SRC: variants seen among roughly 807,000 people sequenced by gnomAD.
SRC encodes the protein SRC proto-oncogene, non-receptor tyrosine kinase, also known as proto-oncogene tyrosine-protein kinase Src.
In SRC, 13 loss-of-function variants were observed where a neutral mutation model predicts 62.9. That is an observed-to-expected ratio of 0.21 (90% CI 0.13 to 0.33). The LOEUF (loss-of-function observed/expected upper bound fraction) is 0.33, where lower values mean the gene tolerates loss of function less well. Among genes scored for constraint, SRC ranks in the 10% least tolerant of loss-of-function variants. The pLI is 1.00. For missense variants in SRC, 457 were observed against 737.3 expected (o/e 0.62, Z 4.40); for synonymous variants, 302 against 317.5 (o/e 0.95, Z 0.52).
chr20:37,348,324 C>G (rs2069752280), intron 1 of SRC, among the ~76,000 whole-genome samples: 1 of 152,132 alleles, frequency 6.6e-6, no homozygotes, highest in Admixed American at 6.5e-5. Context: ...CTGGCTCCCC[C>G]AAGCCCCAGG....
chr20:37,393,624 TGAG>T (rs1294569441), intron 5 of SRC: 1 of 431,534 alleles, frequency 2.3e-6, no homozygotes, highest in African/African-American at 1.9e-5. Flanking sequence ...CCTATGGATT[TGAG>T]CCTCAGATGA....
At chr20:37,395,490 G>A (rs1219245209) in intron 7 of SRC, among the ~76,000 whole-genome samples, 2 of 152,200 alleles carry the variant, frequency 1.3e-5, no homozygotes, top group East Asian at 1.9e-4. Flanking sequence ...AAACTTTTCC[G>A]GCCAAAAGCT....
At chr20:37,399,285 C>T (rs115886391) in intron 9 of SRC, among the ~76,000 whole-genome samples, 3,150 of 152,252 alleles carry the variant, frequency 0.021, 118 homozygotes, top group African/African-American at 0.072. Context: ...AGCCTGACCC[C>T]CAAGCCCTCA....
chr20:37,386,395 C>T (rs373079347), intron 5 of SRC: 5 of 718,828 alleles, frequency 7.0e-6, no homozygotes, highest in Admixed American at 4.0e-5. Flanking sequence ...CCCTGGCTCT[C>T]GCTTGCTCCC....
rs953402326 is a variant in SRC at position 37,405,134 on chromosome 20, C to T, written c.*1755C>T. ...CTTTATTACCCAAGTCTTCTCCCGT[C>T]CATTCCAGTCAAATCTGGGCTCACT... On this transcript the variant is annotated 3_prime_UTR_variant, in exon 14 of 14. Coordinates refer to ENST00000373578, the MANE Select transcript of SRC (RefSeq NM_198291.3). The T allele has an allele frequency of 6.0e-5, 14 of 233,132 alleles. No homozygotes were observed. The highest frequency in any genetic ancestry group is 1.1e-4 in the Non-Finnish European group (13 of 117,782). The allele number at this position is 233,132 out of a possible 1,614,324, so 14.4% of individuals were successfully genotyped here.
chr20:37,369,782 TTTTTCTTTTCTTTC>T (rs1413062005), intron 2 of SRC, among the ~76,000 whole-genome samples: 5 of 151,974 alleles, frequency 3.3e-5, no homozygotes, highest in African/African-American at 1.2e-4. Flanking sequence ...TTCTTTTTCT[TTTTTCTTTTCTTTC>T]TTTTCTTTTT....
intron 1 of SRC, among the ~76,000 whole-genome samples, chr20:37,362,615 A>G (rs1025893006): frequency 6.6e-6 from 1 of 151,916 alleles, no homozygotes; most frequent in Admixed American, 6.5e-5. Context: ...GCTGCCAAGG[A>G]GAAGGGCCCA....
chr20:37,388,751 A>G (rs1380374459), intron 5 of SRC, among the ~76,000 whole-genome samples: 1 of 150,394 alleles, frequency 6.6e-6, no homozygotes, highest in Non-Finnish European at 1.5e-5. Flanking sequence ...TGTCTCAAAA[A>G]AAAGAAGTGA....
intron 2 of SRC, among the ~76,000 whole-genome samples, chr20:37,368,518 C>CTTTTTTTTTGTT (rs2070101694): frequency 1.4e-5 from 1 of 73,898 alleles, no homozygotes; most frequent in Non-Finnish European, 2.7e-5. Flanking sequence ...CCTATATTTT[C>CTTTTTTTTTGTT]TTTTTTTTTT....
chr20:37,391,219 C>T (rs2070542168), intron 5 of SRC, among the ~76,000 whole-genome samples: 1 of 152,210 alleles, frequency 6.6e-6, no homozygotes, highest in Non-Finnish European at 1.5e-5. Context: ...AGACCTTGGC[C>T]CCTTCCCGCT....
intron 6 of SRC, 65 bp downstream of exon 6, chr20:37,394,058 C>G: frequency 6.3e-7 from 1 of 1,576,816 alleles, no homozygotes; most frequent in East Asian, 2.2e-5. Context: ...GAGTGCCTCT[C>G]CTGGGCTGGG....
In SRC at chr20:37,351,235, T is replaced by G. The variant is rs1194119128; in HGVS notation, c.-247+4980T>G. Among the ~76,000 whole-genome samples, 1 of 152,062 alleles carries G rather than the reference T, an allele frequency of 6.6e-6. No homozygotes were observed. The highest frequency in any genetic ancestry group is 2.4e-5 in the African/African-American group (1 of 41,402). ...AGAACTACCCAGAGAAGTTCCAGAG[T>G]AAAAGGAGAAGCCAGAAGGGAGGAG... On this transcript the variant is annotated intron_variant, in intron 1 of 13. Transcript: ENST00000373578. The surrounding 1 kb of genome is among the most constrained non-coding windows in gnomAD (Gnocchi z 4.4).
chr20:37,367,743 C>G (rs1479145974), intron 2 of SRC, among the ~76,000 whole-genome samples: 1 of 152,022 alleles, frequency 6.6e-6, no homozygotes, highest in East Asian at 1.9e-4. Flanking sequence ...AATTCCTGGG[C>G]TCAAGCAATC....
intron 2 of SRC, among the ~76,000 whole-genome samples, chr20:37,370,312 C>T (rs543456056): frequency 6.6e-6 from 1 of 152,226 alleles, no homozygotes. Flanking sequence ...TGGTACCTCA[C>T]GCCTGTAATC....
At chr20:37,373,065 CATATACACACAT>C (rs2070193770) in intron 2 of SRC, among the ~76,000 whole-genome samples, 1 of 147,840 alleles carries the variant, frequency 6.8e-6, no homozygotes, top group African/African-American at 2.7e-5. Context: ...TATATACACA[CATATACACACAT>C]ATATACATAT....
At chr20:37,387,256 G>A (rs890377620) in intron 5 of SRC, among the ~76,000 whole-genome samples, 1 of 152,208 alleles carries the variant, frequency 6.6e-6, no homozygotes, top group African/African-American at 2.4e-5. Flanking sequence ...GTCTGCCTGG[G>A]GAACTCCTGT....
Position 37,397,172 on chromosome 20 carries a change from C to T in SRC, c.704-527C>T, listed in dbSNP as rs966100761. 6.6e-6 allele frequency among the ~76,000 whole-genome samples: 1 copy of T among 152,186 alleles called. No homozygotes were observed. The highest frequency in any genetic ancestry group is 2.4e-5 in the African/African-American group (1 of 41,440). On this transcript the variant is annotated intron_variant, in intron 8 of 13. Coordinates refer to ENST00000373578, the MANE Select transcript of SRC (RefSeq NM_198291.3). The surrounding 1 kb of genome is among the most constrained non-coding windows in gnomAD (Gnocchi z 4.1). ...CTGCTCCCTGCGCCCCTTTGTCCTC[C>T]GCTTCTCCAGCCCTGCAGCTGTTCT...
At chr20:37,355,832 G>A (rs1186171352) in intron 1 of SRC, among the ~76,000 whole-genome samples, 2 of 152,188 alleles carry the variant, frequency 1.3e-5, no homozygotes, top group African/African-American at 2.4e-5. Context: ...GTAGCCAGGC[G>A]GTGTGGATAG....
At chr20:37,348,345 G>T (rs1466629857) in intron 1 of SRC, among the ~76,000 whole-genome samples, 1 of 152,182 alleles carries the variant, frequency 6.6e-6, no homozygotes, top group African/African-American at 2.4e-5. Context: ...AACCAGAGAG[G>T]AGATGGCTCA....
Sources: allele counts gnomAD v4.1 joint callset (sites outside exome capture counted in the v4.1 genomes callset), GRCh38; gene constraint gnomAD v4.1.1; non-coding constraint Gnocchi (gnomAD v3.1); transcripts MANE v1.5; gene names NCBI Gene and HGNC (gene_info 2026-07-23, HGNC 2026-07-21).